SHC2: variants seen among roughly 807,000 people sequenced by gnomAD.
SHC2 encodes SHC-transforming protein 2.
In SHC2, 62 loss-of-function variants were observed where a neutral mutation model predicts 60.6. That is an observed-to-expected ratio of 1.02 (90% CI 0.83 to 1.26). The LOEUF (loss-of-function observed/expected upper bound fraction) is 1.26, where lower values mean the gene tolerates loss of function less well. Among genes scored for constraint, SHC2 ranks in the 50% most tolerant of loss-of-function variants. The pLI is 0.00. For synonymous variants in SHC2, 375 were observed against 372.4 expected, an observed-to-expected ratio of 1.01 and a Z score of -0.08; for missense variants, 873 against 822.2, an observed-to-expected ratio of 1.06 and a Z score of -0.76.
chr19:451,402 G>A (rs1377934804), intron 1 of SHC2, among the ~76,000 whole-genome samples: 1 of 152,244 alleles, frequency 6.6e-6, no homozygotes, highest in Admixed American at 6.5e-5. Flanking sequence ...TTCAGCATGT[G>A]GATGGCCATG....
At chr19:448,342 C>T (rs117803526) in intron 1 of SHC2, among the ~76,000 whole-genome samples, 2,305 of 152,304 alleles carry the variant, frequency 0.015, 60 homozygotes, top group East Asian at 0.081. Flanking sequence ...CCTCTGAAGC[C>T]CCGGGGGAGG....
At position 427,432 on chromosome 19, in the gene SHC2, C is replaced by G. The variant is rs181256238; in HGVS notation, c.1175-2201G>C. ...GAGGGAGCGGGAAGGATCCTCAATG[C>G]CCATCAGGAATGGCTTGGGTAAGGG... On this transcript the variant is annotated intron_variant, in intron 9 of 12. Transcript: ENST00000264554. Among the ~76,000 whole-genome samples, 676 of 151,992 alleles carry G rather than the reference C, an allele frequency of 4.4e-3. 5 individuals carry two copies. Among genetic ancestry groups the G allele is most frequent in the South Asian group, 0.015 (71 of 4,826 alleles).
chr19:422,159 T>C lies in SHC2; in HGVS notation c.1607A>G (p.Asp536Gly). 6.2e-7 allele frequency: 1 copy of C among 1,609,402 alleles called. No individual in the cohort carries two copies. The highest frequency in any genetic ancestry group is 8.5e-7 in the Non-Finnish European group (1 of 1,177,992). The part of the protein sequence containing the change: ...AGQPKHLLLV[D>G]PEGVVRTKDV... The stretch of plus-strand genomic sequence containing the variant: ...TGCACAGCTTACCACGCCCTCGGGG[T>C]CCACGAGCAGCAGGTGCTTGGGCTG... Residue 536 changes from aspartate (D) to glycine (G), a missense_variant, in exon 11 of 13, where the codon GAC becomes GGC. Asp to Gly is a moderately conservative substitution (Grantham distance 94). Coordinates refer to ENST00000264554, the MANE Select transcript of SHC2 (RefSeq NM_012435.3). The surrounding 1 kb of genome is among the most constrained non-coding windows in gnomAD (Gnocchi z 5.0).
chr19:431,339 C>T (rs1480989001), intron 8 of SHC2, among the ~76,000 whole-genome samples: 14 of 139,252 alleles, frequency 1.0e-4, no homozygotes, highest in Middle Eastern at 4.0e-3. Flanking sequence ...GGCGCTTCAT[C>T]GTGAGTGAGA....
chr19:429,014 A>G (rs2074750207), intron 9 of SHC2, among the ~76,000 whole-genome samples: 1 of 150,660 alleles, frequency 6.6e-6, no homozygotes, highest in African/African-American at 2.4e-5. Flanking sequence ...TCCAACATGC[A>G]AAGAAACCTA....
Position 425,260 on chromosome 19 carries a change from C to T in SHC2, c.1175-29G>A. On this transcript the variant is annotated intron_variant, in intron 9 of 12. Coordinates refer to ENST00000264554, the MANE Select transcript of SHC2 (RefSeq NM_012435.3). The surrounding 1 kb of genome is among the most constrained non-coding windows in gnomAD (Gnocchi z 4.1). ...GGGAGTGTAAAGAGGGGCAGGGGGT[C>T]AGCTGGGAGCCAGGCGAGGGGCTCG... is the stretch of plus-strand genomic sequence containing the variant. 7.6e-7 allele frequency: 1 copy of T among 1,312,776 alleles called. No individual in the cohort carries two copies. Among genetic ancestry groups the T allele is most frequent in the Admixed American group, 3.1e-5 (1 of 32,656 alleles). 81.3% of individuals were successfully genotyped at this position (1,312,776 alleles called of 1,614,324 possible). A position where few individuals can be genotyped will look rare whatever the true frequency, so the allele number is the denominator to read the frequency against.
rs951193374 is a variant in SHC2, at chr19:446,237, T to C, written c.469-5305A>G. Among the ~76,000 whole-genome samples the C allele has an allele frequency of 6.6e-6, 1 of 152,056 alleles. No homozygotes were observed. The highest frequency in any genetic ancestry group is 1.5e-5 in the Non-Finnish European group (1 of 67,998). On this transcript the variant is annotated intron_variant, in intron 1 of 12. Coordinates refer to ENST00000264554, the MANE Select transcript of SHC2 (RefSeq NM_012435.3). This position sits in a 1 kb window ranked among gnomAD's most constrained non-coding sequence, Gnocchi z 5.4. ...AAACCAGCCCTGCCCACACCTTGGC[T>C]CGGACGTTGGGCCCCAGAACTGTGA...
intron 1 of SHC2, 140 bp downstream of exon 1, chr19:460,389 G>A (rs921495798): frequency 1.2e-5 from 4 of 347,310 alleles, no homozygotes; most frequent in East Asian, 4.6e-5. Flanking sequence ...GCCGGCCGGG[G>A]ATGGGGGTCC....
intron 1 of SHC2, among the ~76,000 whole-genome samples, chr19:454,277 G>A (rs963278168): frequency 5.5e-4 from 83 of 152,270 alleles, no homozygotes; most frequent in African/African-American, 1.9e-3. Context: ...GGGCAGTGCC[G>A]GGCTGGGCTC....
rs1451518663 is a variant in SHC2 at position 460,355 on chromosome 19, T to TCCGGGTGGGGGCAGCCGCCGGCCG, written c.468+150_468+173dup. Among the ~76,000 whole-genome samples, 190 of 151,668 alleles carry TCCGGGTGGGGGCAGCCGCCGGCCG rather than the reference T, an allele frequency of 1.3e-3. 2 individuals are homozygous for TCCGGGTGGGGGCAGCCGCCGGCCG. Among genetic ancestry groups the TCCGGGTGGGGGCAGCCGCCGGCCG allele is most frequent in the Non-Finnish European group, 2.4e-3 (160 of 67,818 alleles). On this transcript the variant is annotated intron_variant, in intron 1 of 12. Transcript: ENST00000264554. ...CCGTGGGAACCCGGACCCCAGCGCCTCCGGGTGGGGGCAGCCGCCGGCCGC... is the reference window on the plus strand; with the variant it reads ...CCGTGGGAACCCGGACCCCAGCGCCTCCGGGTGGGGGCAGCCGCCGGCCGCCGGGTGGGGGCAGCCGCCGGCCGC...
At position 440,353 on chromosome 19, in the gene SHC2, C is replaced by G. The variant is rs148201808; in HGVS notation, c.539+509G>C. 1.2e-4 allele frequency among the ~76,000 whole-genome samples: 19 copies of G among 152,112 alleles called. No homozygotes were observed. Among genetic ancestry groups the G allele is most frequent in the Non-Finnish European group, 2.5e-4 (17 of 68,032 alleles). ...CTGTACATTATATCTCACATACGCA[C>G]GTGTAAACTGTCTCACATGGTTTTT... is the stretch of plus-strand genomic sequence containing the variant. On this transcript the variant is annotated intron_variant, in intron 2 of 12. Transcript: ENST00000264554. This position sits in a 1 kb window ranked among gnomAD's most constrained non-coding sequence, Gnocchi z 7.0.
chr19:429,689 T>C (rs1974518767), intron 9 of SHC2, among the ~76,000 whole-genome samples: 1 of 139,234 alleles, frequency 7.2e-6, no homozygotes, highest in Admixed American at 7.2e-5. Context: ...GCAGTACCTA[T>C]ACCCAACATG....
intron 1 of SHC2, among the ~76,000 whole-genome samples, chr19:443,367 CGGATGGATGGATGGGTGGGT>C (rs1974959460): frequency 1.5e-5 from 1 of 64,874 alleles, no homozygotes; most frequent in Non-Finnish European, 3.1e-5. Context: ...GGTGGATGGA[CGGATGGATGGATGGGTGGGT>C]GGATGAATGG....
At chr19:421,462 A>G (rs77240191) in intron 11 of SHC2, among the ~76,000 whole-genome samples, 3 of 66,342 alleles carry the variant, frequency 4.5e-5, no homozygotes, top group East Asian at 2.3e-3. Flanking sequence ...AGGGAGGGAG[A>G]GAGGGAGGAA....
In SHC2 at chr19:424,111, G is replaced by C. The variant is rs1311605155; in HGVS notation, c.1309+986C>G. 2.0e-5 allele frequency among the ~76,000 whole-genome samples: 3 copies of C among 152,186 alleles called. No homozygotes were observed. The highest frequency in any genetic ancestry group is 6.5e-5 in the Admixed American group (1 of 15,276). On this transcript the variant is annotated intron_variant, in intron 10 of 12. Transcript: ENST00000264554. The surrounding 1 kb of genome is among the most constrained non-coding windows in gnomAD (Gnocchi z 4.5). ...TGGGAGGCATCCTGAGCTCAGGCAA[G>C]GACCCTACCCGGCAGCTCAGAGCCA...
chr19:437,462 C>G (rs569238154), intron 4 of SHC2, among the ~76,000 whole-genome samples: 1 of 152,064 alleles, frequency 6.6e-6, no homozygotes, highest in African/African-American at 2.4e-5. Context: ...AGTAAGCCCC[C>G]GATACCAGCC....
At chr19:448,175 A>G (rs1359303546) in intron 1 of SHC2, among the ~76,000 whole-genome samples, 2 of 152,312 alleles carry the variant, frequency 1.3e-5, no homozygotes, top group Admixed American at 1.3e-4. Context: ...AAGGGAAATA[A>G]ACAGAGCTTT....
chr19:455,696 G>A (rs915698549), intron 1 of SHC2, among the ~76,000 whole-genome samples: 1 of 152,198 alleles, frequency 6.6e-6, no homozygotes. Context: ...GAGCTCAGAA[G>A]TCTAAAATCA....
rs1042122673 is a variant in SHC2 at position 425,485 on chromosome 19, ACCAGACGTCCACG to A, written c.1175-267_1175-255del. On this transcript the variant is annotated intron_variant, in intron 9 of 12. Transcript: ENST00000264554. The surrounding 1 kb of genome is among the most constrained non-coding windows in gnomAD (Gnocchi z 4.1). ...GCAGCGTGCGGCTGGGGCTGTGGGC[ACCAGACGTCCACG>A]CCCAGGGAGAAGGCAGCCGCTGCTC... Among the ~76,000 whole-genome samples the A allele has an allele frequency of 6.6e-6, 1 of 152,144 alleles. No homozygotes were observed. The highest frequency in any genetic ancestry group is 1.5e-5 in the Non-Finnish European group (1 of 68,016).
Sources: gnomAD v4.1 joint callset for allele counts (sites outside exome capture counted in the v4.1 genomes callset) on GRCh38, gnomAD v4.1.1 for gene constraint, Gnocchi (gnomAD v3.1) non-coding constraint, MANE v1.5 for transcripts, NCBI Gene and HGNC (gene_info 2026-07-23, HGNC 2026-07-21) for gene names.